The following CTSS variants were observed in gnomAD, a reference collection of about 807,000 sequenced individuals.
CTSS encodes the protein cathepsin S.
Under a neutral mutation model 39.9 loss-of-function variants are expected in CTSS, and 15 were observed. That is an observed-to-expected ratio of 0.38 (90% confidence interval 0.25 to 0.58). CTSS has a LOEUF of 0.58. Ranked by LOEUF, CTSS falls within the 20% of genes least tolerant of loss-of-function variation. The pLI is 0.70. For missense variants in CTSS, 250 were observed against 398.2 expected, an observed-to-expected ratio of 0.63 and a Z score of 3.17; for synonymous variants, 126 against 138.2, an observed-to-expected ratio of 0.91 and a Z score of 0.62.
At chr1:150,747,680 T>A (rs1228852670) in intron 7 of CTSS, 97 bp downstream of exon 7, 18 of 801,680 alleles carry the variant, frequency 2.2e-5, no homozygotes, top group Non-Finnish European at 3.8e-5. Context: ...ATTGTCAATA[T>A]CGTGATCATA....
chr1:150,738,301 TGC>T (rs1200020251), intron 7 of CTSS, among the ~76,000 whole-genome samples: 3 of 152,160 alleles, frequency 2.0e-5, no homozygotes, highest in Non-Finnish European at 4.4e-5. Flanking sequence ...TGCTTTATTG[TGC>T]ATTGCAAATT....
chr1:150,744,855 G>A (rs1652861151), intron 7 of CTSS, among the ~76,000 whole-genome samples: 1 of 151,540 alleles, frequency 6.6e-6, no homozygotes. Flanking sequence ...GAATGAATGA[G>A]TGAAGAGAAG....
chr1:150,743,550 G>C (rs1010204316), intron 7 of CTSS, among the ~76,000 whole-genome samples: 4 of 133,542 alleles, frequency 3.0e-5, no homozygotes, highest in Non-Finnish European at 6.2e-5. Context: ...TATATATAGA[G>C]AGATTTATAT....
intron 3 of CTSS, among the ~76,000 whole-genome samples, chr1:150,756,997 T>C (rs1169808309): frequency 6.6e-6 from 1 of 152,158 alleles, no homozygotes; most frequent in Non-Finnish European, 1.5e-5. Flanking sequence ...ATTACAGGTG[T>C]GAGCCACTGT....
At chr1:150,743,735 CATAAT>C (rs1295857365) in intron 7 of CTSS, among the ~76,000 whole-genome samples, 1 of 27,522 alleles carries the variant, frequency 3.6e-5, no homozygotes, top group African/African-American at 1.5e-4. Context: ...ATTATGTATA[CATAAT>C]ATATTATATA....
intron 7 of CTSS, among the ~76,000 whole-genome samples, chr1:150,742,872 A>C (rs587675578): frequency 6.6e-6 from 1 of 152,242 alleles, no homozygotes; most frequent in African/African-American, 2.4e-5. Context: ...GGGATGAGGG[A>C]AGAAAGGAAG....
chr1:150,749,038 C>A (rs948931655), intron 6 of CTSS, among the ~76,000 whole-genome samples: 2 of 152,170 alleles, frequency 1.3e-5, no homozygotes, highest in Admixed American at 1.3e-4. Context: ...CACGGACTGG[C>A]CACACCCCCA....
intron 2 of CTSS, among the ~76,000 whole-genome samples, 199 bp downstream of exon 2, chr1:150,764,439 T>C (rs587706036): frequency 4.3e-4 from 66 of 152,168 alleles, no homozygotes; most frequent in South Asian, 2.3e-3. Flanking sequence ...GGTTTCGCCA[T>C]GTTGGCTAGG....
chr1:150,762,870 C>T (rs1217290870), intron 2 of CTSS, among the ~76,000 whole-genome samples: 1 of 152,056 alleles, frequency 6.6e-6, no homozygotes, highest in East Asian at 1.9e-4. Flanking sequence ...GGAGGTTCCT[C>T]AAAAAACTAA....
Position 150,732,204 on chromosome 1 carries a change from C to T in CTSS, c.*842G>A, listed in dbSNP as rs1033423290. 1.2e-4 allele frequency: 19 copies of T among 152,350 alleles called. No homozygotes were observed. Among genetic ancestry groups the T allele is most frequent in the African/African-American group, 4.3e-4 (18 of 41,576 alleles). 9.4% of individuals were successfully genotyped at this position (152,350 alleles called of 1,614,324 possible). A position where few individuals can be genotyped will look rare whatever the true frequency, so the allele number is the denominator to read the frequency against. On this transcript the variant is annotated 3_prime_UTR_variant, in exon 8 of 8. Transcript: ENST00000368985. ...GGGATTACAGGCATGAGCCACTACA[C>T]GTGGCGTTTTGAATCCTCTTCTGTA...
intron 7 of CTSS, among the ~76,000 whole-genome samples, chr1:150,737,405 T>C (rs1652659533): frequency 6.6e-6 from 1 of 152,068 alleles, no homozygotes; most frequent in African/African-American, 2.4e-5. Flanking sequence ...CCGGGCTGAG[T>C]CCGTCTACTT....
At position 150,757,673 on chromosome 1, in the gene CTSS, A is replaced by G. The variant is rs1178881476; in HGVS notation, c.249+185T>C. Among the ~76,000 whole-genome samples, 3 of 152,350 alleles carry G rather than the reference A, an allele frequency of 2.0e-5. No individual in the cohort carries two copies. The East Asian group carries it at 5.8e-4, about 29-fold the overall frequency. The stretch of plus-strand genomic sequence containing the variant: ...AAGTGATTTGTTAAAGAAAGAAAGC[A>G]GTCAAAATAGAACTAAGTAAGAAAT... On this transcript the variant is annotated intron_variant, in intron 3 of 7. Transcript: ENST00000368985.
chr1:150,757,959 G>A lies in CTSS; in HGVS notation c.148C>T (p.Leu50Phe), dbSNP rs1184073571. 5 of 1,613,784 alleles carry A rather than the reference G, an allele frequency of 3.1e-6. No individual in the cohort carries two copies. The highest frequency in any genetic ancestry group is 4.2e-6 in the Non-Finnish European group (5 of 1,179,916). Residue 50 changes from leucine (L) to phenylalanine (F), a missense_variant, in exon 3 of 8, where the codon CTC becomes TTC. By Grantham distance (22) the Leu-to-Phe change is conservative (BLOSUM62 0). Transcript: ENST00000368985. ...AACTTTAGATTCTTTTCCCAGATGAGACGTCGTACTGCTTCTTCATTCTAA... is the reference window on the plus strand; with the variant it reads ...AACTTTAGATTCTTTTCCCAGATGAAACGTCGTACTGCTTCTTCATTCTAA... ...KEKNEEAVRR[L>F]IWEKNLKFVM...
intron 1 of CTSS, among the ~76,000 whole-genome samples, chr1:150,765,089 TTCTC>T (rs3831278): frequency 2.0e-5 from 3 of 148,572 alleles, no homozygotes; most frequent in East Asian, 2.0e-4. Context: ...GGAAATCTCT[TTCTC>T]TCTCTCTCAA....
At chr1:150,753,232 T>C (rs1482684989) in intron 4 of CTSS, among the ~76,000 whole-genome samples, 1 of 152,214 alleles carries the variant, frequency 6.6e-6, no homozygotes, top group African/African-American at 2.4e-5. Flanking sequence ...CTTTGATTCC[T>C]CTCACTTACC....
intron 7 of CTSS, among the ~76,000 whole-genome samples, chr1:150,741,885 G>T (rs74541027): frequency 1.2e-4 from 6 of 51,910 alleles, no homozygotes; most frequent in African/African-American, 2.5e-4. Flanking sequence ...AAAAAAAAAA[G>T]GGGGGGGGAA....
chr1:150,741,250 G>A (rs767849859), intron 7 of CTSS, among the ~76,000 whole-genome samples: 7 of 151,948 alleles, frequency 4.6e-5, no homozygotes, highest in Non-Finnish European at 1.0e-4. Flanking sequence ...CTCCTGCCTT[G>A]GCCTCCCAAA....
At chr1:150,752,390 A>G (rs913690490) in intron 4 of CTSS, among the ~76,000 whole-genome samples, 3 of 152,148 alleles carry the variant, frequency 2.0e-5, no homozygotes, top group Admixed American at 6.5e-5. Flanking sequence ...GACCTAAAAT[A>G]CCCTTTCTCC....
chr1:150,757,254 G>A (rs1334291865), intron 3 of CTSS, among the ~76,000 whole-genome samples: 1 of 152,202 alleles, frequency 6.6e-6, no homozygotes, highest in Non-Finnish European at 1.5e-5. Context: ...CAGGGAGGCA[G>A]ATTTTTGTTT....
Sources: gnomAD v4.1 joint callset for allele counts (sites outside exome capture counted in the v4.1 genomes callset) on GRCh38, gnomAD v4.1.1 for gene constraint, MANE v1.5 for transcripts, NCBI Gene and HGNC (gene_info 2026-07-23, HGNC 2026-07-21) for gene names.